The following MMP16 variants were observed in gnomAD, a reference collection of about 807,000 sequenced individuals.
MMP16 encodes the protein matrix metalloproteinase-16.
Under a neutral mutation model 67.8 loss-of-function variants are expected in MMP16, and 12 were observed. The ratio of observed to expected loss-of-function variants is 0.18; its 90% CI spans 0.11 to 0.29. The LOEUF is 0.29. Ranked by LOEUF, MMP16 falls within the 10% of genes least tolerant of loss-of-function variation. MMP16 has a pLI of 1.00. For synonymous variants in MMP16, 249 were observed against 255.9 expected, an observed-to-expected ratio of 0.97 and a Z score of 0.26; for missense variants, 475 against 765.7, an observed-to-expected ratio of 0.62 and a Z score of 4.48.
chr8:88,080,348 G>A (rs1448114408), intron 6 of MMP16, among the ~76,000 whole-genome samples: 1 of 152,176 alleles, frequency 6.6e-6, no homozygotes, highest in Admixed American at 6.5e-5. Context: ...GAAATCATTA[G>A]CTGTGGAAAA....
intron 1 of MMP16, among the ~76,000 whole-genome samples, chr8:88,300,453 C>A (rs977571904): frequency 6.6e-6 from 1 of 152,158 alleles, no homozygotes; most frequent in East Asian, 1.9e-4. Flanking sequence ...GTGAATCCAA[C>A]GTATTCATAC....
chr8:88,212,043 T>A (rs934319999), intron 1 of MMP16, among the ~76,000 whole-genome samples: 1 of 152,126 alleles, frequency 6.6e-6, no homozygotes, highest in East Asian at 1.9e-4. Flanking sequence ...ATCTCCAGTG[T>A]CCTGTATATA....
chr8:88,067,345 A>C (rs148001657), intron 7 of MMP16, among the ~76,000 whole-genome samples: 1 of 152,110 alleles, frequency 6.6e-6, no homozygotes, highest in African/African-American at 2.4e-5. Context: ...TGTACTACCT[A>C]TGTCATCAGT....
chr8:88,287,447 C>G (rs1428833563), intron 1 of MMP16, among the ~76,000 whole-genome samples: 1 of 152,182 alleles, frequency 6.6e-6, no homozygotes, highest in East Asian at 1.9e-4. Flanking sequence ...TTCATCTCAT[C>G]AAGTGCATCT....
chr8:88,209,632 T>C (rs1809482688), intron 1 of MMP16, among the ~76,000 whole-genome samples: 1 of 7,848 alleles, frequency 1.3e-4, no homozygotes. Context: ...ACTGTATGTA[T>C]TCTACTCTCT....
intron 7 of MMP16, among the ~76,000 whole-genome samples, chr8:88,068,839 T>C (rs912363584): frequency 4.6e-5 from 7 of 151,964 alleles, no homozygotes; most frequent in South Asian, 2.1e-4. Context: ...GTGGCTGGGA[T>C]TGCAGAAGCC....
At chr8:88,056,675 C>G (rs1457377218) in intron 7 of MMP16, among the ~76,000 whole-genome samples, 6 of 152,050 alleles carry the variant, frequency 3.9e-5, no homozygotes, top group Non-Finnish European at 2.9e-5. Context: ...AACGGGTATG[C>G]CCTCAGATTG....
At chr8:88,224,645 C>T (rs1329546233) in intron 1 of MMP16, among the ~76,000 whole-genome samples, 1 of 151,924 alleles carries the variant, frequency 6.6e-6, no homozygotes, top group Non-Finnish European at 1.5e-5. Context: ...AGCAAGTAAC[C>T]TATGCTTGAA....
At chr8:88,232,976 CA>C (rs1809885030) in intron 1 of MMP16, among the ~76,000 whole-genome samples, 1 of 152,138 alleles carries the variant, frequency 6.6e-6, no homozygotes, top group South Asian at 2.1e-4. Context: ...ATTCTGAAGT[CA>C]GGGGATCAAG....
At chr8:88,044,827 CAT>C (rs1358367694) in intron 9 of MMP16, among the ~76,000 whole-genome samples, 2 of 152,316 alleles carry the variant, frequency 1.3e-5, no homozygotes, top group African/African-American at 2.4e-5. Flanking sequence ...CTATTTAACA[CAT>C]GTGGATAAAT....
At chr8:88,192,922 C>G (rs1292820564) in intron 2 of MMP16, among the ~76,000 whole-genome samples, 2 of 152,006 alleles carry the variant, frequency 1.3e-5, no homozygotes, top group East Asian at 3.9e-4. Context: ...TGGGGGGCAT[C>G]TGAAGAAAGA....
intron 1 of MMP16, among the ~76,000 whole-genome samples, chr8:88,263,643 T>C (rs371274837): frequency 4.5e-4 from 69 of 152,288 alleles, no homozygotes; most frequent in African/African-American, 1.6e-3. Context: ...CCTTATGTCT[T>C]TTCAAATCAT....
At chr8:88,252,152 C>A (rs1351587565) in intron 1 of MMP16, among the ~76,000 whole-genome samples, 5 of 146,840 alleles carry the variant, frequency 3.4e-5, no homozygotes. Flanking sequence ...GGGTATATAC[C>A]CAAAGGACTA....
intron 1 of MMP16, among the ~76,000 whole-genome samples, chr8:88,308,723 G>A (rs895573057): frequency 5.3e-5 from 8 of 151,950 alleles, no homozygotes; most frequent in South Asian, 2.1e-4. Context: ...TTGAAATGCT[G>A]CAGATTTGAA....
rs1018028812 is a variant in MMP16 at position 88,103,255 on chromosome 8, G to T, written c.1083+13252C>A. Among the ~76,000 whole-genome samples, 5 of 151,778 alleles carry T rather than the reference G, an allele frequency of 3.3e-5. No individual in the cohort carries two copies. In the East Asian group the frequency reaches 5.9e-4, roughly 18 times the overall value. ...CTCCTAAGTGCTCCCACTGTACTTTGTACATTCGTGTATTACAGAACATAA... is the reference window on the plus strand; with the variant it reads ...CTCCTAAGTGCTCCCACTGTACTTTTTACATTCGTGTATTACAGAACATAA... On this transcript the variant is annotated intron_variant, in intron 6 of 9. Transcript: ENST00000286614.
intron 4 of MMP16, among the ~76,000 whole-genome samples, chr8:88,155,793 T>A (rs533910480): frequency 9.2e-5 from 14 of 152,224 alleles, no homozygotes; most frequent in Middle Eastern, 3.4e-3. Context: ...ATGTTCTGAG[T>A]TGTTTCCAAT....
intron 1 of MMP16, among the ~76,000 whole-genome samples, chr8:88,262,846 C>CAAAAA (rs71277991): frequency 8.0e-4 from 43 of 53,468 alleles, no homozygotes; most frequent in Admixed American, 1.8e-3. Flanking sequence ...ACTAAAAATA[C>CAAAAA]AAAAAAAAAA....
At chr8:88,236,080 T>C (rs1412421561) in intron 1 of MMP16, among the ~76,000 whole-genome samples, 1 of 152,202 alleles carries the variant, frequency 6.6e-6, no homozygotes, top group Admixed American at 6.5e-5. Flanking sequence ...TTAAAAGTGA[T>C]GATTTATTGG....
chr8:88,219,564 G>C (rs16879968), intron 1 of MMP16, among the ~76,000 whole-genome samples: 1 of 152,034 alleles, frequency 6.6e-6, no homozygotes, highest in African/African-American at 2.4e-5. Flanking sequence ...GTAGCCTGTT[G>C]GGATCAGTGT....
Sources: gnomAD v4.1 joint callset for allele counts (sites outside exome capture counted in the v4.1 genomes callset) on GRCh38, gnomAD v4.1.1 for gene constraint, MANE v1.5 for transcripts, NCBI Gene and HGNC (gene_info 2026-07-23, HGNC 2026-07-21) for gene names.